EML2: variants seen among roughly 807,000 people sequenced by gnomAD.
EML2 encodes EMAP like 2, also known as echinoderm microtubule-associated protein-like 2.
Under a neutral mutation model 84.7 loss-of-function variants are expected in EML2, and 59 were observed. The observed-to-expected ratio is 0.70, with a 90% confidence interval of 0.56 to 0.86. The LOEUF is 0.86. Ranked by LOEUF, EML2 falls within the 40% of genes least tolerant of loss-of-function variation. EML2 has a pLI of 0.00. For missense variants in EML2, 818 were observed against 855.6 expected, an observed-to-expected ratio of 0.96 and a Z score of 0.55; for synonymous variants, 352 against 348.9, an observed-to-expected ratio of 1.01 and a Z score of -0.10.
At chr19:45,616,625 C>T in intron 14 of EML2, 67 bp from the exon 15 acceptor site, 2 of 1,433,666 alleles carry the variant, frequency 1.4e-6, no homozygotes, top group Non-Finnish European at 2.0e-6. Context: ...CCAGACTCAG[C>T]CCCCTCAACA....
intron 17 of EML2, among the ~76,000 whole-genome samples, 172 bp downstream of exon 17, chr19:45,614,433 C>T (rs1438837685): frequency 2.6e-5 from 4 of 152,202 alleles, no homozygotes; most frequent in Non-Finnish European, 4.4e-5. Context: ...TTTATTACAG[C>T]TCTAATGAGT....
At chr19:45,616,612 C>T (rs1971108701) in intron 14 of EML2, 54 bp from the exon 15 acceptor site, 5 of 1,473,064 alleles carry the variant, frequency 3.4e-6, no homozygotes, top group South Asian at 1.2e-5. Context: ...ATCCCCTCCT[C>T]GCCCAGACTC....
intron 3 of EML2, among the ~76,000 whole-genome samples, chr19:45,636,983 T>A (rs1476473642): frequency 6.6e-6 from 1 of 152,256 alleles, no homozygotes; most frequent in Non-Finnish European, 1.5e-5. Flanking sequence ...CCTGACCCCA[T>A]GAAACTGCTC....
At chr19:45,623,046 CAAA>C (rs1174275152) in intron 9 of EML2, among the ~76,000 whole-genome samples, 1 of 106,620 alleles carries the variant, frequency 9.4e-6, no homozygotes, top group Non-Finnish European at 1.9e-5. Context: ...GACTCCGTCT[CAAA>C]AAAAAAAAAA....
In EML2 at chr19:45,611,770, G is replaced by A. The variant is rs150042207; in HGVS notation, c.1824+1771C>T. 5.4e-3 allele frequency among the ~76,000 whole-genome samples: 826 copies of A among 152,194 alleles called. 9 individuals carry two copies. The highest frequency in any genetic ancestry group is 0.019 in the African/African-American group (787 of 41,540). On this transcript the variant is annotated intron_variant, in intron 18 of 18. Transcript: ENST00000245925. The stretch of plus-strand genomic sequence containing the variant: ...CCCAAAGTGCTGGGATTACAGGCGT[G>A]AGCCACCGGGCCTGGCCAGAATTAT...
chr19:45,611,862 T>C (rs1284385637), intron 18 of EML2, among the ~76,000 whole-genome samples: 1 of 151,818 alleles, frequency 6.6e-6, no homozygotes, highest in Admixed American at 6.6e-5. Flanking sequence ...TTTTCGTGTG[T>C]GTGGGTTTTT....
chr19:45,616,361 G>T, intron 15 of EML2, 100 bp downstream of exon 15: 1 of 851,624 alleles, frequency 1.2e-6, no homozygotes, highest in Non-Finnish European at 1.9e-6. Context: ...GGCAGAATCA[G>T]TTGAGTGTTG....
chr19:45,631,458 C>T (rs1172324075), intron 6 of EML2, among the ~76,000 whole-genome samples: 1 of 151,786 alleles, frequency 6.6e-6, no homozygotes, highest in Non-Finnish European at 1.5e-5. Flanking sequence ...TCACTCGGTC[C>T]CCTAGTGTGG....
intron 11 of EML2, 104 bp downstream of exon 11, chr19:45,621,103 A>G: frequency 6.8e-7 from 1 of 1,473,026 alleles, no homozygotes; most frequent in Non-Finnish European, 9.2e-7. Context: ...GGGACAGAGC[A>G]GGGAGGTGAG....
At chr19:45,623,087 C>T (rs1049308500) in intron 9 of EML2, among the ~76,000 whole-genome samples, 7 of 149,776 alleles carry the variant, frequency 4.7e-5, no homozygotes, top group African/African-American at 7.4e-5. Context: ...TGGCCGAGTG[C>T]GGTGGCTGAT....
chr19:45,615,648 A>C (rs1326884973), intron 16 of EML2, among the ~76,000 whole-genome samples, 154 bp downstream of exon 16: 1 of 151,994 alleles, frequency 6.6e-6, no homozygotes, highest in Non-Finnish European at 1.5e-5. Flanking sequence ...TACCAGGGAG[A>C]AAATGAGAAG....
At chr19:45,609,887 C>CTTCT in intron 18 of EML2, 99 bp from the exon 19 acceptor site, 1 of 1,085,842 alleles carries the variant, frequency 9.2e-7, no homozygotes, top group Non-Finnish European at 1.2e-6. Context: ...TGCTCTTCCT[C>CTTCT]TTTTTTTTTT....
chr19:45,630,414 G>C (rs1047855741), intron 6 of EML2, among the ~76,000 whole-genome samples: 2 of 151,986 alleles, frequency 1.3e-5, no homozygotes, highest in African/African-American at 2.4e-5. Flanking sequence ...TTAGCCAGGC[G>C]TGGTGGCAGG....
At chr19:45,630,771 A>G (rs1972938293) in intron 6 of EML2, among the ~76,000 whole-genome samples, 1 of 152,164 alleles carries the variant, frequency 6.6e-6, no homozygotes, top group Admixed American at 6.6e-5. Context: ...TCTCATTTGC[A>G]TTTACATATA....
chr19:45,642,497 G>C, upstream of EML2: 1 of 1,430,264 alleles, frequency 7.0e-7, no homozygotes, highest in Non-Finnish European at 9.1e-7. Flanking sequence ...TTGGACATGA[G>C]CCAAGGAAGA....
upstream of EML2, chr19:45,642,177 G>T: frequency 6.5e-7 from 1 of 1,530,290 alleles, no homozygotes; most frequent in Non-Finnish European, 8.7e-7. Context: ...GGCCCTTGGG[G>T]GTGCCCCGCG....
upstream of EML2, chr19:45,644,937 A>C: frequency 2.3e-6 from 1 of 436,576 alleles, no homozygotes; most frequent in African/African-American, 2.0e-5. Flanking sequence ...GGAGCATTCC[A>C]GAAGCTTGAG....
At chr19:45,615,475 G>A (rs987485580) in intron 16 of EML2, among the ~76,000 whole-genome samples, 5 of 150,266 alleles carry the variant, frequency 3.3e-5, no homozygotes, top group South Asian at 2.1e-4. Context: ...CCGAGATCGC[G>A]CCACTGCACT....
At chr19:45,623,822 A>C (rs1972001144) in intron 9 of EML2, among the ~76,000 whole-genome samples, 1 of 152,172 alleles carries the variant, frequency 6.6e-6, no homozygotes, top group African/African-American at 2.4e-5. Flanking sequence ...AAGTGCTGGG[A>C]TTACAGGCGT....
Sources: allele counts gnomAD v4.1 joint callset (sites outside exome capture counted in the v4.1 genomes callset), GRCh38; gene constraint gnomAD v4.1.1; transcripts MANE v1.5; gene names NCBI Gene and HGNC (gene_info 2026-07-23, HGNC 2026-07-21).